The following CRB1 variants were observed in gnomAD, a reference collection of about 807,000 sequenced individuals.
CRB1 encodes crumbs cell polarity complex component 1.
CRB1 carries 83 observed loss-of-function variants against 120.0 expected under a neutral mutation model. The ratio of observed to expected loss-of-function variants is 0.69; its 90% confidence interval spans 0.58 to 0.83. CRB1 has a LOEUF of 0.83. Among genes scored for constraint, CRB1 ranks in the 40% least tolerant of loss-of-function variants. CRB1 has a pLI of 0.00. For missense variants in CRB1, 1,699 were observed against 1,687.6 expected (o/e 1.01, Z -0.12); for synonymous variants, 625 against 612.5 (o/e 1.02, Z -0.30).
At chr1:197,390,004 T>C (rs1011966159) in intron 5 of CRB1, among the ~76,000 whole-genome samples, 1 of 152,114 alleles carries the variant, frequency 6.6e-6, no homozygotes, top group African/African-American at 2.4e-5. Flanking sequence ...CAAAAACAAC[T>C]GTGAACTTCC....
At position 197,421,742 on chromosome 1, in the gene CRB1, G is replaced by T. The variant is rs780682072; in HGVS notation, c.1914G>T (p.Ser638=). The T allele has an allele frequency of 5.6e-6, 9 of 1,614,104 alleles. No individual in the cohort carries two copies. The highest frequency in any genetic ancestry group is 7.6e-6 in the Non-Finnish European group (9 of 1,180,032). Reference sequence around the variant, plus strand: ...TCTATAATATGCCATCCACACCTTCGTTTGTAGGCTGTCTCCAAGACATTA... The same window carrying T: ...TCTATAATATGCCATCCACACCTTCTTTTGTAGGCTGTCTCCAAGACATTA... ...LNFYNMPSTP[S]FVGCLQDIKI... is the part of the protein sequence containing the mutation. The change falls in exon 6 of 12, where the codon TCG becomes TCT. Residue 638 remains serine, a synonymous_variant. Coordinates refer to ENST00000367400, the MANE Select transcript of CRB1 (RefSeq NM_201253.3).
chr1:197,473,144 A>C (rs974925581), intron 11 of CRB1, among the ~76,000 whole-genome samples: 6 of 152,192 alleles, frequency 3.9e-5, no homozygotes, highest in African/African-American at 1.4e-4. Context: ...TTCTTATGAC[A>C]TTTCTGAGAG....
At chr1:197,285,516 G>A (rs2125227540) in intron 1 of CRB1, among the ~76,000 whole-genome samples, 1 of 151,928 alleles carries the variant, frequency 6.6e-6, no homozygotes, top group South Asian at 2.1e-4. Context: ...TCTTCAGTTC[G>A]ATTTTATTAC....
intron 1 of CRB1, among the ~76,000 whole-genome samples, chr1:197,324,752 T>A (rs1008702962): frequency 6.6e-5 from 10 of 152,188 alleles, no homozygotes; most frequent in Non-Finnish European, 1.0e-4. Context: ...TCATTTTCTT[T>A]AGTAATCAGG....
At position 197,327,100 on chromosome 1, in the gene CRB1, A is replaced by AC. The variant is rs1558055506; in HGVS notation, c.71-1322_71-1321insC. Among the ~76,000 whole-genome samples, 94 of 50,214 alleles carry AC rather than the reference A, an allele frequency of 1.9e-3. 2 individuals carry two copies. Among genetic ancestry groups the AC allele is most frequent in the African/African-American group, 7.0e-3 (73 of 10,450 alleles). 32.9% of individuals were successfully genotyped at this position (50,214 alleles called of 152,430 possible). ...CTTAATTCTCACACACCAAAAAAAAAAAAAAAAAAAAAAAAAAAAAAAAAA... is the reference window on the plus strand; with the variant it reads ...CTTAATTCTCACACACCAAAAAAAAACAAAAAAAAAAAAAAAAAAAAAAAAA... On this transcript the variant is annotated intron_variant, in intron 1 of 11. Coordinates refer to ENST00000367400, the MANE Select transcript of CRB1 (RefSeq NM_201253.3).
At chr1:197,350,354 GTAAAAA>G (rs1660028622) in intron 4 of CRB1, among the ~76,000 whole-genome samples, 1 of 152,140 alleles carries the variant, frequency 6.6e-6, no homozygotes, top group Non-Finnish European at 1.5e-5. Context: ...AAGTAAAATT[GTAAAAA>G]TAGAGCCTTG....
intron 5 of CRB1, among the ~76,000 whole-genome samples, chr1:197,385,185 C>T (rs1235742223): frequency 1.3e-5 from 2 of 152,168 alleles, no homozygotes; most frequent in Non-Finnish European, 2.9e-5. Flanking sequence ...TGAGACAAAC[C>T]TGCTATTGTT....
chr1:197,227,393 C>CTTTTTTT, the CRB1 span, among the ~76,000 whole-genome samples: 4 of 138,126 alleles, frequency 2.9e-5, no homozygotes, highest in Non-Finnish European at 4.8e-5. Flanking sequence ...TTTTCTTTTT[C>CTTTTTTT]TTTTTTTTTT....
At chr1:197,433,753 A>C (rs909019726) in intron 8 of CRB1, among the ~76,000 whole-genome samples, 3 of 152,176 alleles carry the variant, frequency 2.0e-5, no homozygotes, top group Non-Finnish European at 4.4e-5. Context: ...GAATGCATAG[A>C]GGAATAATAT....
At chr1:197,317,578 T>C (rs2125283906) in intron 1 of CRB1, among the ~76,000 whole-genome samples, 2 of 152,194 alleles carry the variant, frequency 1.3e-5, no homozygotes, top group South Asian at 4.1e-4. Flanking sequence ...ATACATCACA[T>C]GACCTGACTT....
the CRB1 span, among the ~76,000 whole-genome samples, chr1:197,253,651 A>T: frequency 1.3e-5 from 2 of 152,160 alleles, no homozygotes; most frequent in African/African-American, 4.8e-5. Context: ...GATTTAAAAA[A>T]TACAGATTAT....
At chr1:197,371,445 C>T (rs914417073) in intron 5 of CRB1, among the ~76,000 whole-genome samples, 1 of 152,126 alleles carries the variant, frequency 6.6e-6, no homozygotes, top group Non-Finnish European at 1.5e-5. Flanking sequence ...TCTTCTATTT[C>T]TTCAAACTTC....
upstream of CRB1, among the ~76,000 whole-genome samples, chr1:197,267,846 A>G (rs1268082146): frequency 6.6e-6 from 1 of 152,210 alleles, no homozygotes; most frequent in Non-Finnish European, 1.5e-5. Context: ...TGTTCATTTT[A>G]TGCAGTAGTT....
chr1:197,309,111 T>C (rs937695847), intron 1 of CRB1, among the ~76,000 whole-genome samples: 14 of 151,970 alleles, frequency 9.2e-5, no homozygotes, highest in African/African-American at 2.7e-4. Flanking sequence ...ATGACACACA[T>C]ATATTTATAT....
chr1:197,337,020 G>A (rs1456135209), intron 2 of CRB1, among the ~76,000 whole-genome samples: 1 of 152,170 alleles, frequency 6.6e-6, no homozygotes, highest in Non-Finnish European at 1.5e-5. Flanking sequence ...GAAAGGTGTT[G>A]CTATGATCTG....
intron 5 of CRB1, among the ~76,000 whole-genome samples, chr1:197,380,224 T>G (rs1661880004): frequency 6.6e-6 from 1 of 152,160 alleles, no homozygotes; most frequent in South Asian, 2.1e-4. Flanking sequence ...AAATCATTTT[T>G]GGGGTGGGAG....
At chr1:197,320,957 T>A (rs1000961082) in intron 1 of CRB1, among the ~76,000 whole-genome samples, 1 of 152,202 alleles carries the variant, frequency 6.6e-6, no homozygotes, top group Non-Finnish European at 1.5e-5. Context: ...CATCAGATAT[T>A]CTCTTTCAAA....
chr1:197,274,067 G>A (rs978437073), intron 1 of CRB1, among the ~76,000 whole-genome samples: 1 of 151,868 alleles, frequency 6.6e-6, no homozygotes, highest in African/African-American at 2.4e-5. Flanking sequence ...GTGTCTGTCT[G>A]TATTAAGCTA....
chr1:197,435,749 C>A, intron 9 of CRB1, 137 bp downstream of exon 9: 1 of 778,390 alleles, frequency 1.3e-6, no homozygotes, highest in South Asian at 1.6e-5. Context: ...GCTTCTGTCA[C>A]AATTTGGTCA....
Sources: gnomAD v4.1 joint callset for allele counts (sites outside exome capture counted in the v4.1 genomes callset) on GRCh38, gnomAD v4.1.1 for gene constraint, MANE v1.5 for transcripts, NCBI Gene and HGNC (gene_info 2026-07-23, HGNC 2026-07-21) for gene names.